Variants in SH3BGRL2 observed in about 807,000 individuals in gnomAD.
The protein encoded by SH3BGRL2 is SH3 domain-binding glutamic acid-rich-like protein 2.
SH3BGRL2 carries 21 observed loss-of-function variants against 14.8 expected under a neutral mutation model. That is an observed-to-expected ratio of 1.42 (90% CI 1.01 to 2.05). SH3BGRL2 has a LOEUF of 2.05. Among genes scored for constraint, SH3BGRL2 ranks in the 30% most tolerant of loss-of-function variants. The probability of loss-of-function intolerance (pLI) is 0.00; values close to 1 mark genes in which losing one functional copy is unlikely to be tolerated. For synonymous variants in SH3BGRL2, 50 were observed against 47.8 expected (o/e 1.05, Z -0.19); for missense variants, 147 against 130.8 (o/e 1.12, Z -0.61).
At chr6:79,588,712 GTAT>G in the SH3BGRL2 span, among the ~76,000 whole-genome samples, 2 of 152,040 alleles carry the variant, frequency 1.3e-5, no homozygotes, top group Admixed American at 6.6e-5. Flanking sequence ...TTCCACATAG[GTAT>G]TATTAACAAC....
chr6:79,690,146 CA>C (rs1476366319), intron 2 of SH3BGRL2, among the ~76,000 whole-genome samples: 1 of 152,072 alleles, frequency 6.6e-6, no homozygotes, highest in African/African-American at 2.4e-5. Flanking sequence ...CACATGCTGC[CA>C]TCCCTGGCTA....
the SH3BGRL2 span, among the ~76,000 whole-genome samples, chr6:79,589,206 A>ATATATAT: frequency 2.1e-5 from 3 of 141,434 alleles, no homozygotes; most frequent in East Asian, 4.0e-4. Flanking sequence ...ATATATATAT[A>ATATATAT]TTTTTTTTTT....
At chr6:79,577,824 C>A in the SH3BGRL2 span, among the ~76,000 whole-genome samples, 1 of 152,202 alleles carries the variant, frequency 6.6e-6, no homozygotes, top group Non-Finnish European at 1.5e-5. Context: ...GGGGCATCAC[C>A]TCACCCGGGA....
At chr6:79,643,288 A>G (rs77670165) in intron 1 of SH3BGRL2, among the ~76,000 whole-genome samples, 43,058 of 151,968 alleles carry the variant, frequency 0.28, 6,616 homozygotes, top group South Asian at 0.44. Flanking sequence ...ATTGCCCCAC[A>G]TTGCTCACCA....
At chr6:79,611,881 T>C in the SH3BGRL2 span, among the ~76,000 whole-genome samples, 2 of 152,198 alleles carry the variant, frequency 1.3e-5, no homozygotes, top group South Asian at 4.1e-4. Flanking sequence ...CAGGCAACAT[T>C]ATGCCTCTCT....
the SH3BGRL2 span, among the ~76,000 whole-genome samples, chr6:79,539,176 T>G: frequency 1.4e-4 from 21 of 152,246 alleles, no homozygotes; most frequent in East Asian, 2.1e-3. Context: ...GACCAAAAAA[T>G]GTATAAATTT....
intron 1 of SH3BGRL2, among the ~76,000 whole-genome samples, chr6:79,644,231 A>T (rs530879745): frequency 1.3e-5 from 2 of 152,268 alleles, no homozygotes; most frequent in South Asian, 4.2e-4. Context: ...GAAGGAGTTT[A>T]TCAATATATT....
At chr6:79,552,104 A>G in the SH3BGRL2 span, among the ~76,000 whole-genome samples, 1 of 152,006 alleles carries the variant, frequency 6.6e-6, no homozygotes, top group Non-Finnish European at 1.5e-5. Flanking sequence ...AAACAAAAGT[A>G]TTTTCAGGAC....
the SH3BGRL2 span, among the ~76,000 whole-genome samples, chr6:79,558,347 T>G: frequency 6.6e-6 from 1 of 152,176 alleles, no homozygotes; most frequent in Non-Finnish European, 1.5e-5. Flanking sequence ...GGATGTTGTA[T>G]ACATTGGATA....
At chr6:79,546,914 T>A in the SH3BGRL2 span, among the ~76,000 whole-genome samples, 1 of 152,004 alleles carries the variant, frequency 6.6e-6, no homozygotes, top group Non-Finnish European at 1.5e-5. Context: ...ACTCCTGACC[T>A]CATGATCCGC....
chr6:79,577,490 TAATC>T, the SH3BGRL2 span, among the ~76,000 whole-genome samples: 1 of 152,216 alleles, frequency 6.6e-6, no homozygotes, highest in Non-Finnish European at 1.5e-5. Context: ...ATCCTTAGAC[TAATC>T]AATAAAATTT....
chr6:79,657,893 T>C (rs998662675), intron 1 of SH3BGRL2, among the ~76,000 whole-genome samples: 15 of 152,344 alleles, frequency 9.8e-5, no homozygotes, highest in African/African-American at 3.6e-4. Context: ...TGATCTGGAA[T>C]GTGAAGGGAA....
chr6:79,573,861 T>G, the SH3BGRL2 span: 1 of 152,234 alleles, frequency 6.6e-6, no homozygotes, highest in Non-Finnish European at 1.5e-5. Flanking sequence ...TTGGGTTTTC[T>G]CTGTGGAAAT....
chr6:79,643,266 G>A (rs1205591479), intron 1 of SH3BGRL2, among the ~76,000 whole-genome samples: 1 of 152,124 alleles, frequency 6.6e-6, no homozygotes, highest in Non-Finnish European at 1.5e-5. Flanking sequence ...TTTTGTGCCT[G>A]GTACTTTTTA....
At chr6:79,671,692 C>T (rs1769776316) in intron 1 of SH3BGRL2, among the ~76,000 whole-genome samples, 1 of 152,180 alleles carries the variant, frequency 6.6e-6, no homozygotes, top group East Asian at 1.9e-4. Context: ...TGATGGCTTC[C>T]TGTTACCGCA....
the SH3BGRL2 span, among the ~76,000 whole-genome samples, chr6:79,588,412 T>A: frequency 6.6e-6 from 1 of 152,168 alleles, no homozygotes. Context: ...CATCTTGCTG[T>A]TAACTCCCCA....
chr6:79,547,731 G>A, the SH3BGRL2 span, among the ~76,000 whole-genome samples: 2 of 152,148 alleles, frequency 1.3e-5, no homozygotes, highest in East Asian at 1.9e-4. Context: ...TGTCCAAAAT[G>A]TTTCAATGAT....
the SH3BGRL2 span, among the ~76,000 whole-genome samples, chr6:79,547,193 A>G: frequency 2.6e-4 from 39 of 152,074 alleles, no homozygotes; most frequent in Non-Finnish European, 4.3e-4. Context: ...GACTGTCCAC[A>G]GTCTGGTTCT....
intron 1 of SH3BGRL2, among the ~76,000 whole-genome samples, chr6:79,664,318 T>G (rs1173479686): frequency 6.6e-6 from 1 of 152,250 alleles, no homozygotes; most frequent in Non-Finnish European, 1.5e-5. Flanking sequence ...GTGATTGGAT[T>G]TAATGTTTAG....
Sources: gnomAD v4.1 joint callset for allele counts (sites outside exome capture counted in the v4.1 genomes callset) on GRCh38, gnomAD v4.1.1 for gene constraint, MANE v1.5 for transcripts, NCBI Gene and HGNC (gene_info 2026-07-23, HGNC 2026-07-21) for gene names.